The following PSTPIP1 variants were observed in gnomAD, a reference collection of about 807,000 sequenced individuals.
PSTPIP1 encodes proline-serine-threonine phosphatase-interacting protein 1.
PSTPIP1 carries 66 observed loss-of-function variants against 69.6 expected under a neutral mutation model. The observed-to-expected ratio is 0.95, with a 90% CI of 0.78 to 1.16. The LOEUF is 1.16. PSTPIP1 is among the 50% of genes most tolerant of loss of function. The probability of loss-of-function intolerance (pLI) is 0.00; values close to 1 mark genes in which losing one functional copy is unlikely to be tolerated. For missense variants in PSTPIP1, 603 were observed against 557.4 expected, an observed-to-expected ratio of 1.08 and a Z score of -0.82; for synonymous variants, 266 against 222.7, an observed-to-expected ratio of 1.19 and a Z score of -1.73.
chr15:77,035,109 A>G (rs1427852933), intron 12 of PSTPIP1, among the ~76,000 whole-genome samples: 2 of 152,208 alleles, frequency 1.3e-5, no homozygotes, highest in Non-Finnish European at 2.9e-5. Context: ...AAGCTAGAGC[A>G]GGGGCCTGGA....
intron 1 of PSTPIP1, among the ~76,000 whole-genome samples, chr15:77,010,336 G>A (rs773979058): frequency 7.9e-5 from 12 of 152,152 alleles, no homozygotes; most frequent in Non-Finnish European, 1.5e-4. Flanking sequence ...GGGATCATGC[G>A]TGAGAGCCCC....
chr15:77,002,171 C>T (rs2075722567), intron 1 of PSTPIP1, among the ~76,000 whole-genome samples: 1 of 152,212 alleles, frequency 6.6e-6, no homozygotes, highest in African/African-American at 2.4e-5. Context: ...CTTCCTGACT[C>T]TGTGATGGGA....
At chr15:77,029,900 G>A (rs571656765) in intron 8 of PSTPIP1, among the ~76,000 whole-genome samples, 3 of 152,204 alleles carry the variant, frequency 2.0e-5, no homozygotes, top group Admixed American at 6.5e-5. Context: ...CCAGGCCATC[G>A]GGCTTCAGAG....
At chr15:77,010,716 C>T (rs562828458) in intron 1 of PSTPIP1, among the ~76,000 whole-genome samples, 1 of 152,222 alleles carries the variant, frequency 6.6e-6, no homozygotes, top group African/African-American at 2.4e-5. Context: ...GGCTCAATCT[C>T]GGCTCACTGC....
intron 1 of PSTPIP1, among the ~76,000 whole-genome samples, chr15:77,013,947 G>A (rs1489292816): frequency 6.6e-6 from 1 of 151,768 alleles, no homozygotes; most frequent in Non-Finnish European, 1.5e-5. Context: ...GAGGTGATGA[G>A]GTGACTCATT....
chr15:77,031,124 C>T, intron 9 of PSTPIP1, 56 bp from the exon 10 acceptor site: 8 of 1,528,992 alleles, frequency 5.2e-6, no homozygotes, highest in South Asian at 2.2e-5. Flanking sequence ...GGGGCCCAGC[C>T]TGGCCGGGCC....
intron 1 of PSTPIP1, among the ~76,000 whole-genome samples, chr15:77,002,970 G>A (rs965884915): frequency 3.3e-5 from 5 of 152,302 alleles, no homozygotes; most frequent in East Asian, 3.9e-4. Context: ...TGGGAGGTAC[G>A]GCATGGGCAA....
chr15:76,995,053 G>T (rs2075542269), upstream of PSTPIP1: 17 of 1,193,538 alleles, frequency 1.4e-5, no homozygotes, highest in African/African-American at 3.2e-5. Context: ...GGCAGGCGGG[G>T]CTGCACAGGG....
chr15:77,028,444 C>A, intron 6 of PSTPIP1, 110 bp from the exon 7 acceptor site: 1 of 936,986 alleles, frequency 1.1e-6, no homozygotes, highest in Non-Finnish European at 1.6e-6. Flanking sequence ...CCCCACTCCA[C>A]CCGCAACCCT....
chr15:77,034,074 A>G (rs2076492557), intron 12 of PSTPIP1, among the ~76,000 whole-genome samples: 1 of 151,986 alleles, frequency 6.6e-6, no homozygotes, highest in Non-Finnish European at 1.5e-5. Context: ...GGGCCGAGGG[A>G]GGCCTGGCTG....
rs768644555 is a variant in PSTPIP1 at position 77,027,700 on chromosome 15, C to T, written c.355-152C>T. 4.1e-5 allele frequency: 34 copies of T among 836,278 alleles called. No individual in the cohort carries two copies. The African/African-American group carries it at 5.6e-4, about 14-fold the overall frequency. 51.8% of individuals were successfully genotyped at this position (836,278 alleles called of 1,614,324 possible). On this transcript the variant is annotated intron_variant, in intron 5 of 14. Transcript: ENST00000558012. This position sits in a 1 kb window ranked among gnomAD's most constrained non-coding sequence, Gnocchi z 4.3. ...TTCCATTGTGAGGGTCACTGTGAAG[C>T]AGCAGGCTCTGGGGGAGGGAGGGCA...
intron 1 of PSTPIP1, among the ~76,000 whole-genome samples, chr15:77,006,515 A>T (rs763514785): frequency 6.6e-6 from 1 of 152,250 alleles, no homozygotes; most frequent in South Asian, 2.1e-4. Flanking sequence ...TCAGAGAAAT[A>T]ATTGCCAAAT....
At chr15:77,028,789 C>T (rs1279598553) in intron 7 of PSTPIP1, 137 bp downstream of exon 7, 2 of 789,874 alleles carry the variant, frequency 2.5e-6, no homozygotes, top group Non-Finnish European at 1.9e-6. Flanking sequence ...CCCCAATCTC[C>T]CCATCTGTGA....
chr15:77,014,716 C>A (rs1202145386), intron 1 of PSTPIP1, among the ~76,000 whole-genome samples: 1 of 152,246 alleles, frequency 6.6e-6, no homozygotes, highest in African/African-American at 2.4e-5. Flanking sequence ...GTGGAGGGCC[C>A]TGGCCGGCTC....
chr15:77,017,078 A>G (rs4075475), intron 1 of PSTPIP1, among the ~76,000 whole-genome samples: 5,821 of 152,196 alleles, frequency 0.038, 118 homozygotes, highest in East Asian at 0.069. Flanking sequence ...GCCTTGGTGC[A>G]GTTGGTGACA....
chr15:77,029,700 A>C, intron 8 of PSTPIP1, 126 bp downstream of exon 8: 23 of 1,104,570 alleles, frequency 2.1e-5, no homozygotes, highest in East Asian at 2.6e-5. Flanking sequence ...CGGCGCTCTC[A>C]TTCCAGATAT....
intron 5 of PSTPIP1, among the ~76,000 whole-genome samples, chr15:77,026,911 A>C (rs907827523): frequency 6.6e-6 from 1 of 152,230 alleles, no homozygotes; most frequent in East Asian, 1.9e-4. Context: ...TTTTGGACAG[A>C]GCATTCTTTC....
chr15:77,031,392 GC>G, intron 10 of PSTPIP1, 114 bp downstream of exon 10: 1 of 1,179,294 alleles, frequency 8.5e-7, no homozygotes, highest in Non-Finnish European at 1.2e-6. Context: ...TCCAAGCCTG[GC>G]CCCAGGGGTC....
At position 77,027,928 on chromosome 15, in the gene PSTPIP1, C is replaced by T. The variant is rs1452573516; in HGVS notation, c.417+14C>T. 4 of 1,550,758 alleles carry T rather than the reference C, an allele frequency of 2.6e-6. No homozygotes were observed. The highest frequency in any genetic ancestry group is 3.5e-6 in the Non-Finnish European group (4 of 1,145,768). On this transcript the variant is annotated intron_variant, in intron 6 of 14. Transcript: ENST00000558012. This position sits in a 1 kb window ranked among gnomAD's most constrained non-coding sequence, Gnocchi z 4.3. Reference sequence around the variant, plus strand: ...AAGGCCATGGAGGTGAGCGCCAGGGCCTGGGGCCGCGGCCTTCCCTCGAGG... The same window carrying T: ...AAGGCCATGGAGGTGAGCGCCAGGGTCTGGGGCCGCGGCCTTCCCTCGAGG...
Sources: allele counts gnomAD v4.1 joint callset (sites outside exome capture counted in the v4.1 genomes callset), GRCh38; gene constraint gnomAD v4.1.1; non-coding constraint Gnocchi (gnomAD v3.1); transcripts MANE v1.5; gene names NCBI Gene and HGNC (gene_info 2026-07-23, HGNC 2026-07-21).